Variants in AKAP13 observed in about 807,000 individuals in gnomAD.
AKAP13 encodes A-kinase anchoring protein 13, also known as A-kinase anchor protein 13.
AKAP13 carries 80 observed loss-of-function variants against 264.5 expected under a neutral mutation model. That is an observed-to-expected ratio of 0.30 (90% CI 0.25 to 0.36). The LOEUF (loss-of-function observed/expected upper bound fraction) is 0.36, where lower values mean the gene tolerates loss of function less well. Ranked by LOEUF, AKAP13 falls within the 10% of genes least tolerant of loss-of-function variation. The pLI is 1.00. For synonymous variants in AKAP13, 1,380 were observed against 1,250.2 expected (o/e 1.10, Z -2.19); for missense variants, 3,712 against 3,435.2 (o/e 1.08, Z -2.01).
intron 5 of AKAP13, among the ~76,000 whole-genome samples, chr15:85,562,573 AAAT>A: frequency 8.2e-6 from 1 of 121,648 alleles, no homozygotes; most frequent in Middle Eastern, 3.9e-3. Flanking sequence ...TCAAAAAAAA[AAAT>A]ATATATATAT....
intron 1 of AKAP13, among the ~76,000 whole-genome samples, chr15:85,425,021 A>C (rs1317181279): frequency 6.6e-6 from 1 of 152,226 alleles, no homozygotes; most frequent in Non-Finnish European, 1.5e-5. Context: ...AAAAAACATA[A>C]AAGATCAATG....
chr15:85,512,909 T>G (rs1434955622), intron 2 of AKAP13, among the ~76,000 whole-genome samples: 2 of 152,052 alleles, frequency 1.3e-5, no homozygotes, highest in Non-Finnish European at 2.9e-5. Flanking sequence ...CAGGCTGGAG[T>G]GCAGTGGTGT....
At chr15:85,474,329 T>TA (rs1300542545) in intron 1 of AKAP13, among the ~76,000 whole-genome samples, 1 of 152,342 alleles carries the variant, frequency 6.6e-6, no homozygotes, top group East Asian at 1.9e-4. Flanking sequence ...GATTCTCTGC[T>TA]AAAAATGCCA....
chr15:85,714,484 A>G (rs1008624311), intron 19 of AKAP13, among the ~76,000 whole-genome samples: 6 of 152,232 alleles, frequency 3.9e-5, no homozygotes, highest in Admixed American at 2.0e-4. Context: ...ATCAAAATCT[A>G]TGCTCGCTAG....
At chr15:85,560,964 T>C (rs895394051) in intron 5 of AKAP13, among the ~76,000 whole-genome samples, 3 of 151,658 alleles carry the variant, frequency 2.0e-5, no homozygotes, top group South Asian at 2.1e-4. Flanking sequence ...TTAAAGTCTC[T>C]GCAGGAGCTT....
intron 8 of AKAP13, among the ~76,000 whole-genome samples, chr15:85,594,303 G>T (rs753867609): frequency 2.6e-5 from 4 of 152,176 alleles, no homozygotes; most frequent in Non-Finnish European, 5.9e-5. Flanking sequence ...GAAAGTAGAT[G>T]AGTCTCTGCA....
intron 2 of AKAP13, 48 bp downstream of exon 2, chr15:85,485,801 C>A (rs545649617): frequency 7.6e-6 from 12 of 1,576,944 alleles, no homozygotes; most frequent in Non-Finnish European, 1.0e-5. Context: ...ATCTGTTCTG[C>A]TTACTTGTTA....
chr15:85,691,323 G>T (rs180683978), intron 16 of AKAP13, among the ~76,000 whole-genome samples: 2 of 152,274 alleles, frequency 1.3e-5, no homozygotes, highest in Non-Finnish European at 2.9e-5. Context: ...GCCAAACAGT[G>T]CTTCTAAAGG....
At chr15:85,470,894 A>C (rs2074936465) in intron 1 of AKAP13, among the ~76,000 whole-genome samples, 1 of 152,234 alleles carries the variant, frequency 6.6e-6, no homozygotes, top group Non-Finnish European at 1.5e-5. Context: ...TCATGACTGC[A>C]GTTGGTTAAG....
chr15:85,467,045 A>G (rs978870498), intron 1 of AKAP13, among the ~76,000 whole-genome samples: 1 of 150,650 alleles, frequency 6.6e-6, no homozygotes, highest in Admixed American at 6.6e-5. Context: ...CCTTCTCTGC[A>G]TTGGATACTA....
intron 8 of AKAP13, among the ~76,000 whole-genome samples, chr15:85,589,710 G>GAA (rs59703416): frequency 0.2 from 19,787 of 99,612 alleles, 2,089 homozygotes; most frequent in Non-Finnish European, 0.26. Context: ...ACTCTGTCTT[G>GAA]AAAAAAAAAA....
At chr15:85,698,668 G>T (rs1417011869) in intron 17 of AKAP13, among the ~76,000 whole-genome samples, 1 of 151,886 alleles carries the variant, frequency 6.6e-6, no homozygotes, top group African/African-American at 2.4e-5. Context: ...TACAGGCCTG[G>T]CACGGTGGCT....
intron 1 of AKAP13, among the ~76,000 whole-genome samples, chr15:85,459,184 A>G (rs1226409593): frequency 6.6e-6 from 1 of 152,032 alleles, no homozygotes; most frequent in Non-Finnish European, 1.5e-5. Flanking sequence ...TGAAATTACT[A>G]CTTGCTCATC....
At chr15:85,518,213 C>A (rs923917558) in intron 2 of AKAP13, among the ~76,000 whole-genome samples, 5 of 152,108 alleles carry the variant, frequency 3.3e-5, no homozygotes, top group African/African-American at 1.2e-4. Flanking sequence ...TTACCTAGAT[C>A]TGTTTTTCCT....
chr15:85,517,360 TC>T (rs1555438241), intron 2 of AKAP13, among the ~76,000 whole-genome samples: 1 of 150,868 alleles, frequency 6.6e-6, no homozygotes, highest in African/African-American at 2.5e-5. Flanking sequence ...CTTTTTTTTT[TC>T]CCCCCATCAA....
At chr15:85,678,832 A>G (rs906693998) in intron 14 of AKAP13, among the ~76,000 whole-genome samples, 2 of 151,934 alleles carry the variant, frequency 1.3e-5, no homozygotes, top group African/African-American at 4.8e-5. Context: ...TCATGCCACT[A>G]CACTCTAGCC....
At chr15:85,514,414 A>G (rs2076539247) in intron 2 of AKAP13, among the ~76,000 whole-genome samples, 1 of 138,326 alleles carries the variant, frequency 7.2e-6, no homozygotes, top group Non-Finnish European at 1.5e-5. Flanking sequence ...TCCTTAAGAC[A>G]TGGCCCCATC....
At chr15:85,461,598 A>C (rs1048403133) in intron 1 of AKAP13, among the ~76,000 whole-genome samples, 2 of 137,982 alleles carry the variant, frequency 1.4e-5, no homozygotes, top group East Asian at 3.8e-4. Flanking sequence ...TCACTTTTTA[A>C]ATGGTGTGTT....
intron 14 of AKAP13, among the ~76,000 whole-genome samples, chr15:85,679,813 C>T (rs916801507): frequency 8.6e-5 from 13 of 152,012 alleles, no homozygotes; most frequent in Non-Finnish European, 1.6e-4. Flanking sequence ...TGACAAGTTT[C>T]GTTTCGTTTC....
Sources: gnomAD v4.1 joint callset for allele counts (sites outside exome capture counted in the v4.1 genomes callset) on GRCh38, gnomAD v4.1.1 for gene constraint, MANE v1.5 for transcripts, NCBI Gene and HGNC (gene_info 2026-07-23, HGNC 2026-07-21) for gene names.